The following TRPS1 variants were observed in gnomAD, a reference collection of about 807,000 sequenced individuals.
The protein encoded by TRPS1 is zinc finger transcription factor Trps1.
A neutral mutation model predicts 101.2 loss-of-function variants in TRPS1; 6 were observed. The ratio of observed to expected loss-of-function variants is 0.06; its 90% CI spans 0.03 to 0.12. The LOEUF is 0.12. Among genes scored for constraint, TRPS1 ranks in the 10% least tolerant of loss-of-function variants. The probability of loss-of-function intolerance (pLI) is 1.00; values close to 1 mark genes in which losing one functional copy is unlikely to be tolerated. For missense variants in TRPS1, 1,363 were observed against 1,567.0 expected (o/e 0.87, Z 2.20); for synonymous variants, 578 against 589.8 (o/e 0.98, Z 0.29).
At chr8:115,512,098 C>G (rs879516920) in intron 5 of TRPS1, among the ~76,000 whole-genome samples, 2 of 151,770 alleles carry the variant, frequency 1.3e-5, no homozygotes, top group African/African-American at 2.4e-5. Context: ...TAAGCATTTC[C>G]ATTTAAAATT....
In TRPS1 at chr8:115,619,472, C is replaced by T. The variant is rs1402315157; in HGVS notation, c.626G>A (p.Arg209Lys). The change falls in exon 3 of 7, where the codon AGA (arginine) becomes AAA (lysine). Residue 209 changes from arginine (R) to lysine (K), a missense_variant. This residue lies in a region of TRPS1 where 1,020 missense variants were observed against 1,073.0 expected (regional missense o/e 0.95). Transcript: ENST00000395715. Reference sequence around the variant, plus strand: ...TAAGTCAGTTTTGGATTTATTCAGTCTTACACCCCCATCTGAAGGCACTTG... The same window carrying T: ...TAAGTCAGTTTTGGATTTATTCAGTTTTACACCCCCATCTGAAGGCACTTG... ...NPQVPSDGGV[R>K]LNKSKTDLLV... 2 of 1,614,190 alleles carry T rather than the reference C, an allele frequency of 1.2e-6. No individual in the cohort carries two copies. Among genetic ancestry groups the T allele is most frequent in the Admixed American group, 3.3e-5 (2 of 60,026 alleles).
chr8:115,601,902 G>A (rs140236206), intron 4 of TRPS1, among the ~76,000 whole-genome samples: 72 of 152,290 alleles, frequency 4.7e-4, no homozygotes, highest in African/African-American at 1.5e-3. Context: ...ATACAGTGGT[G>A]AACAAGAAAA....
chr8:115,580,243 A>ATAT (rs1422547761), intron 5 of TRPS1, among the ~76,000 whole-genome samples: 21 of 139,058 alleles, frequency 1.5e-4, no homozygotes, highest in Non-Finnish European at 3.1e-4. Flanking sequence ...AGAAAAAAAA[A>ATAT]AAATATATAT....
At chr8:115,422,013 A>G (rs1452344635) in intron 5 of TRPS1, among the ~76,000 whole-genome samples, 1 of 152,182 alleles carries the variant, frequency 6.6e-6, no homozygotes, top group South Asian at 2.1e-4. Flanking sequence ...TATTTCATTC[A>G]TACTTTATCC....
rs1817641850 is a variant in TRPS1, at chr8:115,589,844, T to C, written c.2097-2240A>G. Among the ~76,000 whole-genome samples, 3 of 152,246 alleles carry C rather than the reference T, an allele frequency of 2.0e-5. No individual in the cohort carries two copies. In the Middle Eastern group the frequency reaches 0.01, roughly 518 times the overall value. On this transcript the variant is annotated intron_variant, in intron 4 of 6. Transcript: ENST00000395715. ...TCAAAAACACATTCTAGGCAGGGCC[T>C]GGTGGCTCACGCCTGTAATCTCAGC...
chr8:115,486,079 T>C (rs1247312705), intron 5 of TRPS1, among the ~76,000 whole-genome samples: 35 of 152,210 alleles, frequency 2.3e-4, no homozygotes, highest in Non-Finnish European at 2.9e-5. Context: ...CCCTGCATCC[T>C]GCAAGTCTAA....
chr8:115,638,081 C>A (rs1818810635), intron 1 of TRPS1, among the ~76,000 whole-genome samples: 1 of 152,156 alleles, frequency 6.6e-6, no homozygotes, highest in African/African-American at 2.4e-5. Context: ...CCACTATACA[C>A]CCCATGTAAA....
At chr8:115,469,624 A>T (rs954248332) in intron 5 of TRPS1, among the ~76,000 whole-genome samples, 1 of 142,648 alleles carries the variant, frequency 7.0e-6, no homozygotes, top group African/African-American at 3.1e-5. Context: ...TCAGCCTCCC[A>T]AGTAGCTGGA....
chr8:115,564,762 G>A (rs1368660534), intron 5 of TRPS1, among the ~76,000 whole-genome samples: 1 of 152,044 alleles, frequency 6.6e-6, no homozygotes, highest in Non-Finnish European at 1.5e-5. Flanking sequence ...AGGGGAGCAT[G>A]TTTATCTACA....
rs909882849 is a variant in TRPS1 at position 115,412,470 on chromosome 8, G to A, written c.*1553C>T. On this transcript the variant is annotated 3_prime_UTR_variant, in exon 7 of 7. Coordinates refer to ENST00000395715, the MANE Select transcript of TRPS1 (RefSeq NM_014112.5). Reference sequence around the variant, plus strand: ...AATATCTTTGTTGCATACGTACACTGTAGAAAATAATTATTCAATATGTCA... The same window carrying A: ...AATATCTTTGTTGCATACGTACACTATAGAAAATAATTATTCAATATGTCA... The A allele has an allele frequency of 6.6e-6, 1 of 152,430 alleles. No homozygotes were observed. The highest frequency in any genetic ancestry group is 2.4e-5 in the African/African-American group (1 of 41,400). 9.4% of individuals were successfully genotyped at this position (152,430 alleles called of 1,614,324 possible).
chr8:115,456,796 C>T (rs1317222131), intron 5 of TRPS1, among the ~76,000 whole-genome samples: 1 of 151,870 alleles, frequency 6.6e-6, no homozygotes. Flanking sequence ...ATGATAAAAT[C>T]CTCACCATTT....
At chr8:115,475,266 T>TTTATATA (rs1416101277) in intron 5 of TRPS1, among the ~76,000 whole-genome samples, 3 of 124,004 alleles carry the variant, frequency 2.4e-5, no homozygotes, top group African/African-American at 1.0e-4. Flanking sequence ...TGAATCACAG[T>TTTATATA]TATATATATA....
intron 5 of TRPS1, among the ~76,000 whole-genome samples, chr8:115,446,374 A>G (rs1411009186): frequency 6.7e-6 from 1 of 149,118 alleles, no homozygotes. Context: ...TCTTCCCCTG[A>G]TCTCACACTT....
chr8:115,444,854 T>C (rs995187167), intron 5 of TRPS1, among the ~76,000 whole-genome samples: 3 of 152,230 alleles, frequency 2.0e-5, no homozygotes, highest in African/African-American at 4.8e-5. Context: ...AGATTGTTTC[T>C]AGTATTGAGG....
intron 4 of TRPS1, among the ~76,000 whole-genome samples, chr8:115,593,970 T>C (rs1172414918): frequency 1.3e-5 from 2 of 152,152 alleles, no homozygotes; most frequent in Non-Finnish European, 2.9e-5. Context: ...CTCACACATC[T>C]ATTGATTCCC....
intron 5 of TRPS1, among the ~76,000 whole-genome samples, chr8:115,449,951 G>T (rs1286804895): frequency 1.2e-5 from 1 of 84,710 alleles, no homozygotes; most frequent in African/African-American, 5.3e-5. Context: ...AGTAATATGT[G>T]ATTTAACACA....
intron 5 of TRPS1, among the ~76,000 whole-genome samples, chr8:115,457,084 G>GA (rs1409390682): frequency 3.9e-5 from 6 of 151,918 alleles, no homozygotes; most frequent in Non-Finnish European, 5.9e-5. Flanking sequence ...ATGTGGTTTA[G>GA]AAAAAAGAAT....
chr8:115,452,609 G>A (rs2129933664), intron 5 of TRPS1, among the ~76,000 whole-genome samples: 1 of 152,242 alleles, frequency 6.6e-6, no homozygotes, highest in Admixed American at 6.5e-5. Context: ...CTGCTTTGTT[G>A]TAGAGCGGGG....
intron 1 of TRPS1, among the ~76,000 whole-genome samples, chr8:115,655,966 G>A (rs1811668154): frequency 2.0e-5 from 3 of 152,126 alleles, no homozygotes; most frequent in African/African-American, 7.2e-5. Flanking sequence ...CAAGGGGATA[G>A]CTGGTTGAAA....
Sources: allele counts gnomAD v4.1 joint callset (sites outside exome capture counted in the v4.1 genomes callset), GRCh38; gene constraint gnomAD v4.1.1; regional missense constraint gnomAD v4.1.1; transcripts MANE v1.5; gene names NCBI Gene and HGNC (gene_info 2026-07-23, HGNC 2026-07-21).